Variants in WDR47 observed in about 807,000 individuals in gnomAD.
WDR47 encodes WD repeat-containing protein 47.
A neutral mutation model predicts 97.2 loss-of-function variants in WDR47; 32 were observed. That is an observed-to-expected ratio of 0.33 (90% CI 0.25 to 0.44). WDR47 has a LOEUF of 0.44. Ranked by LOEUF, WDR47 falls within the 20% of genes least tolerant of loss-of-function variation. The pLI is 1.00. For synonymous variants in WDR47, 375 were observed against 373.5 expected (o/e 1.00, Z -0.05); for missense variants, 782 against 1,102.3 (o/e 0.71, Z 4.11).
intron 8 of WDR47, among the ~76,000 whole-genome samples, chr1:108,991,626 A>C (rs1307748422): frequency 1.3e-5 from 2 of 152,150 alleles, no homozygotes; most frequent in Non-Finnish European, 2.9e-5. Flanking sequence ...GCTATGCTTA[A>C]ATCCAACCCC....
intron 2 of WDR47, among the ~76,000 whole-genome samples, chr1:109,020,196 A>AT (rs1661726132): frequency 6.6e-6 from 1 of 151,994 alleles, no homozygotes; most frequent in South Asian, 2.1e-4. Flanking sequence ...AAAGGACACA[A>AT]TTTCAAAGGC....
At chr1:109,014,432 C>T (rs1219368040) in intron 3 of WDR47, among the ~76,000 whole-genome samples, 1 of 150,934 alleles carries the variant, frequency 6.6e-6, no homozygotes, top group African/African-American at 2.4e-5. Flanking sequence ...AGCTTTTTTC[C>T]TTTTCTTTTT....
intron 5 of WDR47, among the ~76,000 whole-genome samples, chr1:109,007,328 TA>T (rs1006372356): frequency 1.3e-4 from 20 of 151,762 alleles, no homozygotes; most frequent in South Asian, 8.3e-4. Context: ...ATATAACATT[TA>T]AAAAAACAAT....
At chr1:109,002,951 A>G (rs1660326977) in intron 6 of WDR47, among the ~76,000 whole-genome samples, 2 of 152,212 alleles carry the variant, frequency 1.3e-5, no homozygotes, top group Non-Finnish European at 2.9e-5. Context: ...AACTAAAAGT[A>G]GATCTACCAT....
In WDR47 at chr1:109,026,271, G is replaced by A. The variant is rs534034786; in HGVS notation, c.-9-2750C>T. Among the ~76,000 whole-genome samples the A allele has an allele frequency of 1.3e-3, 200 of 151,594 alleles. 1 individual carries two copies. The South Asian group carries it at 0.013, about 10-fold the overall frequency. Reference sequence around the variant, plus strand: ...TACCTATGTTGCCTAGGCTGCTCTCGAACTCCTGGGCTCAAGCAATCCTCT... The same window carrying A: ...TACCTATGTTGCCTAGGCTGCTCTCAAACTCCTGGGCTCAAGCAATCCTCT... On this transcript the variant is annotated intron_variant, in intron 1 of 14. Transcript: ENST00000369962.
At chr1:109,039,834 G>A (rs1341511551) in intron 1 of WDR47, among the ~76,000 whole-genome samples, 5 of 151,832 alleles carry the variant, frequency 3.3e-5, no homozygotes, top group African/African-American at 9.7e-5. Flanking sequence ...CTAGGAGTTC[G>A]AGACCAGCCT....
At chr1:108,999,042 A>G (rs1341476755) in intron 7 of WDR47, among the ~76,000 whole-genome samples, 1 of 152,106 alleles carries the variant, frequency 6.6e-6, no homozygotes, top group Non-Finnish European at 1.5e-5. Flanking sequence ...CCTGACCAAC[A>G]TGGTGAAAGC....
At chr1:108,981,643 T>C in intron 13 of WDR47, 90 bp downstream of exon 13, 5 of 1,287,564 alleles carry the variant, frequency 3.9e-6, no homozygotes, top group Non-Finnish European at 4.2e-6. Flanking sequence ...TCACAATTTT[T>C]TCTATTTTTT....
chr1:108,989,326 C>G (rs2101848821), intron 9 of WDR47, among the ~76,000 whole-genome samples: 1 of 152,316 alleles, frequency 6.6e-6, no homozygotes, highest in Middle Eastern at 3.4e-3. Flanking sequence ...TCTGAGAGGT[C>G]TAGGACCCAT....
chr1:108,979,435 A>G (rs1440183861), intron 13 of WDR47, among the ~76,000 whole-genome samples: 1 of 152,168 alleles, frequency 6.6e-6, no homozygotes, highest in Non-Finnish European at 1.5e-5. Context: ...CTAAGGCGGG[A>G]GGATGGCTTG....
At chr1:109,001,823 T>C (rs1660216326) in intron 7 of WDR47, among the ~76,000 whole-genome samples, 1 of 151,740 alleles carries the variant, frequency 6.6e-6, no homozygotes, top group Non-Finnish European at 1.5e-5. Context: ...CCCAGGAAGT[T>C]GAAGCTGCAG....
chr1:109,004,024 G>A (rs976244928), intron 6 of WDR47, among the ~76,000 whole-genome samples: 29 of 152,204 alleles, frequency 1.9e-4, no homozygotes, highest in African/African-American at 6.5e-4. Flanking sequence ...CAGCACTCTG[G>A]AAGGCCGAGG....
At chr1:109,025,593 G>A (rs1662156668) in intron 1 of WDR47, among the ~76,000 whole-genome samples, 2 of 151,906 alleles carry the variant, frequency 1.3e-5, no homozygotes, top group African/African-American at 4.8e-5. Flanking sequence ...AATTAGCGGA[G>A]CGTGGTGGCA....
chr1:109,019,824 CT>C (rs1315661503), intron 2 of WDR47, among the ~76,000 whole-genome samples: 75 of 152,312 alleles, frequency 4.9e-4, no homozygotes, highest in African/African-American at 1.8e-3. Context: ...ACAAGGCATT[CT>C]TACATCTTTT....
chr1:109,010,676 G>C (rs902025771), intron 5 of WDR47, among the ~76,000 whole-genome samples: 1 of 148,532 alleles, frequency 6.7e-6, no homozygotes. Context: ...TCCCCCTCCC[G>C]GGTTCACGCC....
At chr1:108,978,000 A>G (rs1239717181) in intron 13 of WDR47, among the ~76,000 whole-genome samples, 1 of 151,810 alleles carries the variant, frequency 6.6e-6, no homozygotes, top group African/African-American at 2.4e-5. Context: ...AAAAAAAAAA[A>G]AGAACTCTTT....
chr1:109,011,866 T>A (rs1661056852), intron 4 of WDR47, 148 bp from the exon 5 acceptor site: 1 of 746,736 alleles, frequency 1.3e-6, no homozygotes, highest in Non-Finnish European at 2.1e-6. Context: ...GATAGGAACA[T>A]AATGTTTTCA....
chr1:109,013,769 C>T (rs1038923841), intron 4 of WDR47, 72 bp downstream of exon 4: 9 of 1,507,904 alleles, frequency 6.0e-6, no homozygotes, highest in African/African-American at 2.8e-5. Flanking sequence ...GCTAATCCTT[C>T]GTTTTAGTGA....
intron 5 of WDR47, among the ~76,000 whole-genome samples, chr1:109,007,022 C>CAACCT (rs1434556260): frequency 1.3e-5 from 2 of 151,918 alleles, no homozygotes; most frequent in African/African-American, 4.8e-5. Flanking sequence ...ACTGCAGCCT[C>CAACCT]AACCTCCTGG....
Sources: gnomAD v4.1 joint callset for allele counts (sites outside exome capture counted in the v4.1 genomes callset) on GRCh38, gnomAD v4.1.1 for gene constraint, MANE v1.5 for transcripts, NCBI Gene and HGNC (gene_info 2026-07-23, HGNC 2026-07-21) for gene names.